NUP214: variants seen among roughly 807,000 people sequenced by gnomAD.
NUP214 encodes nuclear pore complex protein Nup214.
NUP214 carries 79 observed loss-of-function variants against 196.2 expected under a neutral mutation model. The observed-to-expected ratio is 0.40, with a 90% confidence interval of 0.34 to 0.49. NUP214 has a LOEUF of 0.49. Among genes scored for constraint, NUP214 ranks in the 20% least tolerant of loss-of-function variants. NUP214 has a pLI of 0.58. For synonymous variants in NUP214, 1,020 were observed against 990.5 expected (o/e 1.03, Z -0.56); for missense variants, 2,468 against 2,539.0 (o/e 0.97, Z 0.60).
intron 21 of NUP214, among the ~76,000 whole-genome samples, chr9:131,166,198 A>T (rs1170880567): frequency 6.6e-6 from 1 of 152,214 alleles, no homozygotes; most frequent in Non-Finnish European, 1.5e-5. Flanking sequence ...CTGTGTTTAA[A>T]TATTCTTTGA....
intron 10 of NUP214, 140 bp from the exon 11 acceptor site, chr9:131,140,409 A>G (rs1831873982): frequency 1.5e-6 from 1 of 666,314 alleles, no homozygotes. Flanking sequence ...CTGTTCAGAT[A>G]TAAAATCAGA....
chr9:131,224,512 T>G (rs964406628), intron 32 of NUP214, among the ~76,000 whole-genome samples: 1 of 152,222 alleles, frequency 6.6e-6, no homozygotes, highest in Non-Finnish European at 1.5e-5. Context: ...TGAAATATGC[T>G]AATTCCAGAG....
At position 131,144,315 on chromosome 9, in the gene NUP214, C is replaced by T; in HGVS notation, c.1330C>T (p.Pro444Ser). 3 of 1,614,086 alleles carry T rather than the reference C, an allele frequency of 1.9e-6. No individual in the cohort carries two copies. The highest frequency in any genetic ancestry group is 2.7e-5 in the African/African-American group (2 of 75,034). The change falls in exon 12 of 36, where the codon CCA becomes TCA. Residue 444 changes from proline to serine, a missense_variant. Physicochemically the swap from Pro to Ser is moderately conservative, Grantham distance 74. Transcript: ENST00000359428. ...CACTACCCCAACCTCCTCTCAAGCC[C>T]CACAGAAACTGGATGCTTCTGCAGC... ...TPTTPTSSQAPQKLDASAAAA... is the reference protein window; with the variant it reads ...TPTTPTSSQASQKLDASAAAA...
rs767549425 is a variant in NUP214 at position 131,140,503 on chromosome 9, C to T, written c.1133-46C>T. 9 of 1,556,862 alleles carry T rather than the reference C, an allele frequency of 5.8e-6. No homozygotes were observed. In the South Asian group the frequency reaches 9.8e-5, roughly 17 times the overall value. On this transcript the variant is annotated intron_variant, in intron 10 of 35. Coordinates refer to ENST00000359428, the MANE Select transcript of NUP214 (RefSeq NM_005085.4). ...CAGTCTTTGCCTTCTGGGCTCAGGCCCTTAAATTCACTTGGTTTTTTTATT... is the reference window on the plus strand; with the variant it reads ...CAGTCTTTGCCTTCTGGGCTCAGGCTCTTAAATTCACTTGGTTTTTTTATT...
intron 30 of NUP214, among the ~76,000 whole-genome samples, chr9:131,211,420 C>G (rs879690182): frequency 6.6e-6 from 1 of 152,148 alleles, no homozygotes; most frequent in Non-Finnish European, 1.5e-5. Context: ...TTTCATATCT[C>G]GCTTTTGAAT....
chr9:131,227,907 T>A (rs1834765703), intron 32 of NUP214, among the ~76,000 whole-genome samples: 1 of 143,540 alleles, frequency 7.0e-6, no homozygotes, highest in Non-Finnish European at 1.5e-5. Flanking sequence ...CAGAGCCCTC[T>A]GCTAGGAATG....
chr9:131,230,236 G>A (rs1359751341), intron 33 of NUP214: 2 of 194,312 alleles, frequency 1.0e-5, no homozygotes, highest in African/African-American at 4.8e-5. Flanking sequence ...AGGAGCTGAA[G>A]ATAAATAAAT....
chr9:131,160,600 T>C (rs1832603493), intron 18 of NUP214, among the ~76,000 whole-genome samples: 1 of 152,258 alleles, frequency 6.6e-6, no homozygotes, highest in African/African-American at 2.4e-5. Context: ...CTACACTTGA[T>C]TAATGATTAG....
intron 14 of NUP214, among the ~76,000 whole-genome samples, chr9:131,149,537 A>G (rs1056285140): frequency 5.3e-4 from 79 of 150,280 alleles, no homozygotes; most frequent in African/African-American, 1.7e-3. Context: ...GCTGTGTCAC[A>G]TGTCATAAGC....
chr9:131,163,434 T>C (rs4740418), intron 19 of NUP214: 446,894 of 452,760 alleles, frequency 0.99, 220,834 homozygotes, highest in East Asian at 1. Context: ...GAATATATCA[T>C]AGCAAGTGAT....
At position 131,137,542 on chromosome 9, in the gene NUP214, C is replaced by T. The variant is rs1325507979; in HGVS notation, c.1005+1536C>T. Among the ~76,000 whole-genome samples the T allele has an allele frequency of 5.8e-5, 8 of 137,424 alleles. No homozygotes were observed. In the Admixed American group the frequency reaches 5.9e-4, roughly 10 times the overall value. 90.2% of individuals were successfully genotyped at this position (137,424 alleles called of 152,430 possible). On this transcript the variant is annotated intron_variant, in intron 9 of 35. Coordinates refer to ENST00000359428, the MANE Select transcript of NUP214 (RefSeq NM_005085.4). ...TAATTGGTGTTTTTTACCCTCATTT[C>T]TGGTGGTATCTTTTTTTTTTTTTTT... is the stretch of plus-strand genomic sequence containing the variant.
At chr9:131,143,988 G>C (rs568172820) in intron 11 of NUP214, among the ~76,000 whole-genome samples, 87 of 152,146 alleles carry the variant, frequency 5.7e-4, no homozygotes, top group African/African-American at 2.0e-3. Context: ...CTTTTTCCTG[G>C]TTGTTAATGA....
At chr9:131,191,223 G>T (rs1327215197) in intron 26 of NUP214, 1 of 152,094 alleles carries the variant, frequency 6.6e-6, no homozygotes, top group Non-Finnish European at 1.5e-5. Flanking sequence ...TAGCACTTTG[G>T]GAGGCCAAGG....
intron 24 of NUP214, among the ~76,000 whole-genome samples, chr9:131,185,442 CTT>C (rs542975550): frequency 9.9e-4 from 151 of 152,358 alleles, no homozygotes; most frequent in African/African-American, 3.6e-3. Context: ...AGAGATGTCT[CTT>C]TGGGGCTCTG....
At chr9:131,195,117 C>A in intron 27 of NUP214, 116 bp from the exon 28 acceptor site, 1 of 715,046 alleles carries the variant, frequency 1.4e-6, no homozygotes, top group Non-Finnish European at 2.4e-6. Context: ...CATTTATCTT[C>A]TAGATTGTAA....
chr9:131,177,076 A>G (rs569058986), intron 23 of NUP214, among the ~76,000 whole-genome samples: 4 of 152,352 alleles, frequency 2.6e-5, no homozygotes, highest in South Asian at 2.1e-4. Flanking sequence ...TATTTTTTAG[A>G]TGTATCACTG....
chr9:131,127,586 G>A lies in NUP214; in HGVS notation c.108G>A (p.Lys36=). Residue 36 remains lysine, a synonymous_variant, in exon 2 of 36, where the codon AAG becomes AAA. Transcript: ENST00000359428. ...RIFDSPEELP[K]ERSSLLAVSN... is the part of the protein sequence containing the mutation. ...TTGACTCCCCTGAGGAATTGCCCAAGGAACGCTCGAGTCTGCTTGCTGTGT... is the reference window on the plus strand; with the variant it reads ...TTGACTCCCCTGAGGAATTGCCCAAAGAACGCTCGAGTCTGCTTGCTGTGT... 6.2e-7 allele frequency: 1 copy of A among 1,614,134 alleles called. No individual in the cohort carries two copies. Among genetic ancestry groups the A allele is most frequent in the East Asian group, 2.2e-5 (1 of 44,878 alleles).
chr9:131,148,480 G>A (rs530012994), intron 14 of NUP214, among the ~76,000 whole-genome samples: 1 of 152,106 alleles, frequency 6.6e-6, no homozygotes, highest in Non-Finnish European at 1.5e-5. Context: ...GTATCCCTAT[G>A]AGTGAGATTG....
At chr9:131,126,157 A>G (rs1022211968) in intron 1 of NUP214, 1 of 240,458 alleles carries the variant, frequency 4.2e-6, no homozygotes, top group African/African-American at 2.4e-5. Flanking sequence ...GAAAGCCAGC[A>G]TCATTTAAGA....
Sources: allele counts gnomAD v4.1 joint callset (sites outside exome capture counted in the v4.1 genomes callset), GRCh38; gene constraint gnomAD v4.1.1; transcripts MANE v1.5; gene names NCBI Gene and HGNC (gene_info 2026-07-23, HGNC 2026-07-21).